Variants in TNNI3K observed in about 807,000 individuals in gnomAD.
TNNI3K encodes TNNI3 interacting kinase.
A neutral mutation model predicts 114.5 loss-of-function variants in TNNI3K; 140 were observed. The observed-to-expected ratio is 1.22, with a 90% CI of 1.07 to 1.41. The LOEUF (loss-of-function observed/expected upper bound fraction) is 1.41. Ranked by LOEUF, TNNI3K falls within the 40% of genes most tolerant of loss-of-function variation. The pLI is 0.00. For missense variants in TNNI3K, 1,125 were observed against 1,007.6 expected (o/e 1.12, Z -1.58); for synonymous variants, 347 against 347.5 (o/e 1.00, Z 0.02).
chr1:74,422,770 A>AT (rs1055387635), intron 17 of TNNI3K, among the ~76,000 whole-genome samples: 4 of 152,136 alleles, frequency 2.6e-5, no homozygotes, highest in Non-Finnish European at 4.4e-5. Flanking sequence ...ACAAAAAAAA[A>AT]CCCACTAAAT....
At chr1:74,347,741 C>T (rs1309691046) in intron 9 of TNNI3K, among the ~76,000 whole-genome samples, 1 of 152,174 alleles carries the variant, frequency 6.6e-6, no homozygotes, top group African/African-American at 2.4e-5. Flanking sequence ...TTGCATCTCT[C>T]TGATGGCCAG....
intron 23 of TNNI3K, among the ~76,000 whole-genome samples, chr1:74,499,516 TAA>T (rs1323615347): frequency 6.6e-6 from 1 of 152,200 alleles, no homozygotes; most frequent in African/African-American, 2.4e-5. Context: ...GCCTAATTTA[TAA>T]GTTAAATTTT....
chr1:74,245,666 G>A (rs1436870544), intron 2 of TNNI3K, among the ~76,000 whole-genome samples: 2 of 152,108 alleles, frequency 1.3e-5, no homozygotes, highest in African/African-American at 4.8e-5. Flanking sequence ...AACATCAAAA[G>A]CTATTGGAAT....
At chr1:74,447,100 G>C (rs1291892317) in intron 20 of TNNI3K, among the ~76,000 whole-genome samples, 1 of 151,254 alleles carries the variant, frequency 6.6e-6, no homozygotes, top group Non-Finnish European at 1.5e-5. Flanking sequence ...AGCTTGATGG[G>C]AATGGCATTG....
intron 17 of TNNI3K, among the ~76,000 whole-genome samples, chr1:74,381,051 C>A (rs1663178934): frequency 6.6e-6 from 1 of 152,116 alleles, no homozygotes. Context: ...TAATTATAAA[C>A]CTTTTTAAAG....
intron 20 of TNNI3K, among the ~76,000 whole-genome samples, chr1:74,456,858 C>T (rs905581973): frequency 2.0e-5 from 3 of 151,950 alleles, no homozygotes; most frequent in African/African-American, 7.3e-5. Flanking sequence ...GTCCAGGAAC[C>T]AAATATGGCT....
At chr1:74,469,281 TAAC>T (rs915683400) in intron 21 of TNNI3K, 1 of 152,590 alleles carries the variant, frequency 6.6e-6, no homozygotes, top group African/African-American at 2.4e-5. Flanking sequence ...CTTAGAGAAA[TAAC>T]AAGTTTTAAA....
At chr1:74,412,380 C>G (rs1664923218) in intron 17 of TNNI3K, among the ~76,000 whole-genome samples, 1 of 152,052 alleles carries the variant, frequency 6.6e-6, no homozygotes, top group Admixed American at 6.6e-5. Context: ...GAAACACCAG[C>G]AAACACGACA....
chr1:74,464,394 C>A (rs1667578869), intron 21 of TNNI3K, among the ~76,000 whole-genome samples: 1 of 152,180 alleles, frequency 6.6e-6, no homozygotes, highest in Admixed American at 6.5e-5. Flanking sequence ...GCATTCTTCA[C>A]AATGGAGGAC....
intron 5 of TNNI3K, among the ~76,000 whole-genome samples, chr1:74,303,882 G>A (rs532939576): frequency 7.9e-5 from 12 of 152,276 alleles, no homozygotes; most frequent in African/African-American, 2.4e-4. Flanking sequence ...CCTCAAGGAT[G>A]ACTTTGAGGG....
chr1:74,480,880 A>G (rs1344060621), intron 21 of TNNI3K: 9 of 717,456 alleles, frequency 1.3e-5, no homozygotes, highest in Non-Finnish European at 2.3e-5. Context: ...AGAGCAGGGC[A>G]AGATTAAACA....
At chr1:74,396,691 A>G (rs1664099181) in intron 17 of TNNI3K, among the ~76,000 whole-genome samples, 1 of 152,228 alleles carries the variant, frequency 6.6e-6, no homozygotes, top group African/African-American at 2.4e-5. Context: ...AAATGGGTTC[A>G]AATACAAGTC....
At chr1:74,492,532 A>G (rs1245406291) in intron 23 of TNNI3K, among the ~76,000 whole-genome samples, 4 of 152,180 alleles carry the variant, frequency 2.6e-5, no homozygotes, top group African/African-American at 9.7e-5. Flanking sequence ...GGGATTTATT[A>G]AAAGTATTCT....
Position 74,308,113 on chromosome 1 carries a change from A to C in TNNI3K, c.445-23337A>C, listed in dbSNP as rs543482357. ...ATTGCATTAGACAGCTCATCAAGGC[A>C]GAAAACCAACAAAGAAATTCTGGAC... On this transcript the variant is annotated intron_variant, in intron 5 of 24. Transcript: ENST00000326637. Among the ~76,000 whole-genome samples the C allele has an allele frequency of 8.5e-5, 13 of 152,194 alleles. No individual in the cohort carries two copies. The South Asian group carries it at 2.7e-3, about 32-fold the overall frequency.
intron 23 of TNNI3K, among the ~76,000 whole-genome samples, chr1:74,506,688 A>G (rs1181080520): frequency 6.6e-6 from 1 of 152,236 alleles, no homozygotes; most frequent in Non-Finnish European, 1.5e-5. Flanking sequence ...GCATTTTAAC[A>G]AGATTTTAAC....
At chr1:74,510,137 T>G (rs1181242020) in intron 23 of TNNI3K, among the ~76,000 whole-genome samples, 1 of 150,566 alleles carries the variant, frequency 6.6e-6, no homozygotes, top group Non-Finnish European at 1.5e-5. Context: ...CTTAGAGATG[T>G]TTAACTACAT....
rs549773849 is a variant in TNNI3K, at chr1:74,449,398, T to A, written c.2011+9776T>A. ...GCTAGCGGTCTATCAATTTTGTTGA[T>A]CCTTTCAAAAAACCAGCTCCTGGAT... On this transcript the variant is annotated intron_variant, in intron 20 of 24. Transcript: ENST00000326637. 1.8e-3 allele frequency among the ~76,000 whole-genome samples: 270 copies of A among 152,038 alleles called. 1 individual carries two copies. The highest frequency in any genetic ancestry group is 6.2e-3 in the African/African-American group (258 of 41,454).
intron 5 of TNNI3K, among the ~76,000 whole-genome samples, chr1:74,283,999 C>T (rs1227270740): frequency 6.6e-6 from 1 of 152,128 alleles, no homozygotes; most frequent in East Asian, 1.9e-4. Flanking sequence ...ATCAGAATTT[C>T]TATAGCTTGT....
chr1:74,369,324 G>A (rs1662464598), intron 15 of TNNI3K, 60 bp downstream of exon 15: 1 of 1,606,538 alleles, frequency 6.2e-7, no homozygotes, highest in Non-Finnish European at 8.5e-7. Context: ...TGAGAAGCAT[G>A]TGCATGGCAA....
Sources: gnomAD v4.1 joint callset for allele counts (sites outside exome capture counted in the v4.1 genomes callset) on GRCh38, gnomAD v4.1.1 for gene constraint, MANE v1.5 for transcripts, NCBI Gene and HGNC (gene_info 2026-07-23, HGNC 2026-07-21) for gene names.